PHKB: variants seen among roughly 807,000 people sequenced by gnomAD.
The protein encoded by PHKB is phosphorylase b kinase regulatory subunit beta.
PHKB carries 122 observed loss-of-function variants against 152.1 expected under a neutral mutation model. The observed-to-expected ratio is 0.80, with a 90% CI of 0.69 to 0.93. The LOEUF (loss-of-function observed/expected upper bound fraction) is 0.93, where lower values mean the gene tolerates loss of function less well. PHKB is among the 40% of genes least tolerant of loss of function. The pLI is 0.00. For missense variants in PHKB, 1,304 were observed against 1,328.4 expected (o/e 0.98, Z 0.29); for synonymous variants, 436 against 464.9 (o/e 0.94, Z 0.80).
intron 14 of PHKB, among the ~76,000 whole-genome samples, chr16:47,613,790 C>T (rs977535715): frequency 6.6e-6 from 1 of 152,096 alleles, no homozygotes; most frequent in Non-Finnish European, 1.5e-5. Context: ...GTTCTTAACC[C>T]GTTGCAACTA....
intron 1 of PHKB, among the ~76,000 whole-genome samples, chr16:47,479,521 A>G (rs1485978236): frequency 1.3e-5 from 2 of 150,962 alleles, no homozygotes; most frequent in Non-Finnish European, 2.9e-5. Context: ...AATTAAATTC[A>G]GATCCAGTTA....
At chr16:47,553,383 G>C (rs573123338) in intron 7 of PHKB, among the ~76,000 whole-genome samples, 1 of 151,858 alleles carries the variant, frequency 6.6e-6, no homozygotes, top group East Asian at 1.9e-4. Flanking sequence ...TTTCAGTTTC[G>C]TCAGGTCATT....
chr16:47,685,294 G>A (rs998528541), intron 26 of PHKB, among the ~76,000 whole-genome samples: 1 of 152,068 alleles, frequency 6.6e-6, no homozygotes, highest in South Asian at 2.1e-4. Context: ...GTGTGGTGGC[G>A]CACGCCTGTA....
At chr16:47,538,830 A>C (rs1218720601) in intron 6 of PHKB, among the ~76,000 whole-genome samples, 1 of 152,144 alleles carries the variant, frequency 6.6e-6, no homozygotes, top group Non-Finnish European at 1.5e-5. Context: ...AGTTTCTGAA[A>C]GTTTCTGGTC....
At chr16:47,530,472 T>C (rs911673067) in intron 6 of PHKB, among the ~76,000 whole-genome samples, 3 of 152,120 alleles carry the variant, frequency 2.0e-5, no homozygotes, top group African/African-American at 7.2e-5. Flanking sequence ...TATTTAACAT[T>C]GTACAGGTGA....
At chr16:47,591,916 A>G (rs1972035597) in intron 10 of PHKB, among the ~76,000 whole-genome samples, 1 of 151,954 alleles carries the variant, frequency 6.6e-6, no homozygotes, top group South Asian at 2.1e-4. Flanking sequence ...TTTCCTCTCT[A>G]TTACTCCCTG....
rs1174717229 is a variant in PHKB, at chr16:47,698,473, T to G, written c.3029T>G (p.Leu1010Arg). 6.2e-7 allele frequency: 1 copy of G among 1,611,618 alleles called. No homozygotes were observed. ...VELLMVVSIV[L>R]ERNPELEFQD... ...TTACTTATGGTTGTATCCATTGTAC[T>G]GGAAAGAAACCCCGAGCTAGAATTT... The change falls in exon 30 of 31, where the codon CTG becomes CGG. Residue 1010 changes from leucine to arginine, a missense_variant. By Grantham distance (102) the Leu-to-Arg change is moderately radical (BLOSUM62 -2). Coordinates refer to ENST00000323584, the MANE Select transcript of PHKB (RefSeq NM_000293.3).
chr16:47,622,469 A>G (rs1018952333), intron 14 of PHKB, among the ~76,000 whole-genome samples: 9 of 152,090 alleles, frequency 5.9e-5, no homozygotes, highest in Non-Finnish European at 8.8e-5. Context: ...AGTTCCATGT[A>G]TTTTTGCTGT....
intron 13 of PHKB, among the ~76,000 whole-genome samples, chr16:47,607,490 A>T (rs1468456749): frequency 6.6e-6 from 1 of 152,160 alleles, no homozygotes; most frequent in Non-Finnish European, 1.5e-5. Flanking sequence ...AGGTTTATCC[A>T]TGTTGTAGCA....
At chr16:47,515,699 G>T in intron 6 of PHKB, 98 bp downstream of exon 6, 1 of 700,728 alleles carries the variant, frequency 1.4e-6, no homozygotes, top group Non-Finnish European at 2.6e-6. Flanking sequence ...TATGTAAAAT[G>T]TATTCCTGTT....
chr16:47,593,474 AT>A lies in PHKB; in HGVS notation c.1069-23del, dbSNP rs754815917. ...ATAATAATTTAATTGTTAGTGTAAA[AT>A]TTAATGTTTTATTTTCTGTTTTAGC... On this transcript the variant is annotated intron_variant, in intron 10 of 30. Transcript: ENST00000323584. 11 of 1,187,818 alleles carry A rather than the reference AT, an allele frequency of 9.3e-6. No homozygotes were observed. The African/African-American group carries it at 1.4e-4, about 15-fold the overall frequency. 73.6% of individuals were successfully genotyped at this position (1,187,818 alleles called of 1,614,324 possible). A position where few individuals can be genotyped will look rare whatever the true frequency, so the allele number is the denominator to read the frequency against.
chr16:47,578,502 C>G (rs1372364146), intron 7 of PHKB, among the ~76,000 whole-genome samples: 1 of 152,128 alleles, frequency 6.6e-6, no homozygotes, highest in African/African-American at 2.4e-5. Flanking sequence ...CACATCACCT[C>G]ATTACTGCCA....
intron 6 of PHKB, among the ~76,000 whole-genome samples, chr16:47,538,801 G>A (rs1415482246): frequency 1.3e-5 from 2 of 152,194 alleles, no homozygotes; most frequent in African/African-American, 4.8e-5. Flanking sequence ...TCCCTCCCAT[G>A]TGCTTTCTCC....
chr16:47,499,195 A>G (rs1970282181), intron 2 of PHKB, among the ~76,000 whole-genome samples: 2 of 152,190 alleles, frequency 1.3e-5, no homozygotes, highest in Admixed American at 6.5e-5. Context: ...AATAAAGTAA[A>G]ATGAATACTG....
At chr16:47,573,233 T>C (rs1224338291) in intron 7 of PHKB, among the ~76,000 whole-genome samples, 1 of 152,118 alleles carries the variant, frequency 6.6e-6, no homozygotes, top group East Asian at 1.9e-4. Context: ...TGGCTTATGT[T>C]ACCCTGGGGA....
intron 14 of PHKB, among the ~76,000 whole-genome samples, chr16:47,626,120 G>A (rs1972705207): frequency 1.3e-5 from 2 of 152,208 alleles, no homozygotes; most frequent in Non-Finnish European, 2.9e-5. Flanking sequence ...CCTTTCTAGT[G>A]TATAAAACTG....
At chr16:47,545,605 T>C (rs924978959) in intron 6 of PHKB, among the ~76,000 whole-genome samples, 1 of 152,148 alleles carries the variant, frequency 6.6e-6, no homozygotes. Context: ...ATCTTTGTGG[T>C]GTTCTCTGTA....
In PHKB at chr16:47,483,033, TC is replaced by T. The variant is rs1209263470; in HGVS notation, c.77-14365del. On this transcript the variant is annotated intron_variant, in intron 1 of 30. Coordinates refer to ENST00000323584, the MANE Select transcript of PHKB (RefSeq NM_000293.3). The stretch of plus-strand genomic sequence containing the variant: ...ACCATGCCTGGCCTATTAAATAATT[TC>T]TTTTTTTTTTTTTTTTTTTTTGGAG... Among the ~76,000 whole-genome samples the T allele has an allele frequency of 7.4e-4, 96 of 128,880 alleles. 1 individual carries two copies. Among genetic ancestry groups the T allele is most frequent in the South Asian group, 2.6e-3 (9 of 3,486 alleles). 84.6% of individuals were successfully genotyped at this position (128,880 alleles called of 152,430 possible).
chr16:47,648,159 A>G (rs1402396113), intron 16 of PHKB, among the ~76,000 whole-genome samples: 2 of 152,190 alleles, frequency 1.3e-5, no homozygotes, highest in African/African-American at 2.4e-5. Context: ...AAAGGTGGAA[A>G]TTTAGTAGGA....
Sources: allele counts gnomAD v4.1 joint callset (sites outside exome capture counted in the v4.1 genomes callset), GRCh38; gene constraint gnomAD v4.1.1; transcripts MANE v1.5; gene names NCBI Gene and HGNC (gene_info 2026-07-23, HGNC 2026-07-21).